LRP2: variants seen among roughly 807,000 people sequenced by gnomAD.
LRP2 encodes LDL receptor related protein 2, also known as low-density lipoprotein receptor-related protein 2.
LRP2 carries 172 observed loss-of-function variants against 531.0 expected under a neutral mutation model. The observed-to-expected ratio is 0.32, with a 90% confidence interval of 0.29 to 0.37. The LOEUF is 0.37. LRP2 is among the 10% of genes least tolerant of loss of function. LRP2 has a pLI of 1.00. For missense variants in LRP2, 5,167 were observed against 5,868.3 expected (o/e 0.88, Z 3.90); for synonymous variants, 1,992 against 2,027.6 (o/e 0.98, Z 0.47).
At chr2:169,287,863 ATTT>A (rs1683901065) in intron 9 of LRP2, among the ~76,000 whole-genome samples, 1 of 148,790 alleles carries the variant, frequency 6.7e-6, no homozygotes, top group African/African-American at 2.4e-5. Flanking sequence ...TAATATTAAA[ATTT>A]TAATATTTTA....
At position 169,172,182 on chromosome 2, in the gene LRP2, T is replaced by C. The variant is rs1687031340; in HGVS notation, c.11144-48A>G. 10 of 1,612,138 alleles carry C rather than the reference T, an allele frequency of 6.2e-6. No individual in the cohort carries two copies. In the Middle Eastern group the frequency reaches 9.9e-4, roughly 160 times the overall value. Reference sequence around the variant, plus strand: ...ACTTCATAAACCATTGGCAGAGAAATGCACAAAGTAGTATTGGCTTCCTTG... The same window carrying C: ...ACTTCATAAACCATTGGCAGAGAAACGCACAAAGTAGTATTGGCTTCCTTG... On this transcript the variant is annotated intron_variant, in intron 57 of 78. Transcript: ENST00000649046.
chr2:169,172,757 AC>A (rs1374956856), intron 57 of LRP2, among the ~76,000 whole-genome samples: 4 of 152,186 alleles, frequency 2.6e-5, no homozygotes, highest in Non-Finnish European at 5.9e-5. Flanking sequence ...ACCCCTTTCC[AC>A]CAATTTCAAC....
intron 26 of LRP2, among the ~76,000 whole-genome samples, chr2:169,238,840 C>T (rs997073134): frequency 6.6e-6 from 1 of 152,144 alleles, no homozygotes; most frequent in African/African-American, 2.4e-5. Context: ...TTTGGAGTGA[C>T]CACATGACTA....
chr2:169,194,687 G>A (rs1029425821), intron 46 of LRP2, among the ~76,000 whole-genome samples: 6 of 149,016 alleles, frequency 4.0e-5, no homozygotes, highest in African/African-American at 1.5e-4. Flanking sequence ...TTCAGAAGCT[G>A]CTATGAAAAG....
At chr2:169,336,190 T>C (rs1685399010) in intron 1 of LRP2, among the ~76,000 whole-genome samples, 1 of 152,174 alleles carries the variant, frequency 6.6e-6, no homozygotes, top group African/African-American at 2.4e-5. Context: ...TGTTACCCTA[T>C]TTCTGTTTGA....
chr2:169,201,400 G>C (rs1688197459), intron 44 of LRP2, among the ~76,000 whole-genome samples: 1 of 152,204 alleles, frequency 6.6e-6, no homozygotes, highest in African/African-American at 2.4e-5. Context: ...TGTTATCAGT[G>C]AAGTGCATGA....
intron 58 of LRP2, among the ~76,000 whole-genome samples, chr2:169,171,638 C>T (rs1197929212): frequency 6.6e-6 from 1 of 152,184 alleles, no homozygotes; most frequent in South Asian, 2.1e-4. Context: ...TGGGTTAGCA[C>T]CCTTCCTCCC....
At chr2:169,172,169 A>G (rs368033305) in intron 57 of LRP2, 35 bp from the exon 58 acceptor site, 31 of 1,613,356 alleles carry the variant, frequency 1.9e-5, no homozygotes, top group Non-Finnish European at 2.0e-5. Context: ...TTCATAAACC[A>G]TTGGCAGAGA....
rs1301670894 is a variant in LRP2 at position 169,259,025 on chromosome 2, C to G, written c.2513G>C (p.Gly838Ala). The G allele has an allele frequency of 6.2e-7, 1 of 1,612,948 alleles. No individual in the cohort carries two copies. Among genetic ancestry groups the G allele is most frequent in the Non-Finnish European group, 8.5e-7 (1 of 1,179,404 alleles). Residue 838 changes from glycine to alanine, a missense_variant and splice_region_variant, in exon 17 of 79, where the codon GGG (glycine) becomes GCG (alanine). Physicochemically the swap from Gly to Ala is moderately conservative, Grantham distance 60. This residue lies in a region of LRP2 where 2,811 missense variants were observed against 3,058.0 expected (regional missense o/e 0.92). Transcript: ENST00000649046. ...CTTAGGAAAACATGAACACACTTAC[C>G]CGGCAAAAGGATGAACTACCACCGA... Reference protein sequence around the residue: ...PRSVVVHPFAGYLFFTDWFRP... With the variant: ...PRSVVVHPFAAYLFFTDWFRP...
At chr2:169,278,912 T>C (rs748436788) in intron 12 of LRP2, among the ~76,000 whole-genome samples, 1 of 152,224 alleles carries the variant, frequency 6.6e-6, no homozygotes, top group Non-Finnish European at 1.5e-5. Context: ...GATATCTCAA[T>C]CCCAGCCTGT....
At chr2:169,267,661 C>T (rs919814258) in intron 16 of LRP2, among the ~76,000 whole-genome samples, 3 of 152,098 alleles carry the variant, frequency 2.0e-5, no homozygotes, top group Non-Finnish European at 4.4e-5. Context: ...CAGTAGAGAT[C>T]TAAAACTGAC....
At position 169,294,706 on chromosome 2, in the gene LRP2, G is replaced by A. The variant is rs760218817; in HGVS notation, c.432C>T (p.Tyr144=). The change falls in exon 5 of 79, where the codon TAC becomes TAT. Residue 144 remains tyrosine (Y), a synonymous_variant. Transcript: ENST00000649046. ...PDGADENDCQ[Y]PTCEQLTCDN... ...CACAAGTAAGCTGCTCACATGTTGG[G>A]TACTCTATTGTAAAAAAAAAAAAAA... 2.9e-5 allele frequency: 35 copies of A among 1,223,218 alleles called. No individual in the cohort carries two copies. Among genetic ancestry groups the A allele is most frequent in the Non-Finnish European group, 3.5e-5 (30 of 856,712 alleles). The allele number at this position is 1,223,218 out of a possible 1,614,324, so 75.8% of individuals were successfully genotyped here. A position where few individuals can be genotyped will look rare whatever the true frequency, so the allele number is the denominator to read the frequency against.
intron 1 of LRP2, among the ~76,000 whole-genome samples, chr2:169,350,041 A>G (rs1294621598): frequency 6.6e-6 from 1 of 152,196 alleles, no homozygotes; most frequent in Non-Finnish European, 1.5e-5. Flanking sequence ...CAGTCGGTTG[A>G]ATCAGGGTGG....
chr2:169,129,543 A>G (rs891661238), intron 77 of LRP2, among the ~76,000 whole-genome samples: 9 of 152,210 alleles, frequency 5.9e-5, no homozygotes, highest in African/African-American at 2.2e-4. Flanking sequence ...TTCTCCCTTC[A>G]TCATTCCCTC....
At position 169,206,778 on chromosome 2, in the gene LRP2, T is replaced by G; in HGVS notation, c.6942A>C (p.Thr2314=). Residue 2314 remains threonine (T), a synonymous_variant, in exon 39 of 79, where the codon ACA becomes ACC. Transcript: ENST00000649046. ...SKEPENTEPP[T]VIRDNINWLR... is the part of the protein sequence containing the mutation. ...GCCAGTTGATATTGTCTCTTATCAC[T>G]GTGGGTGGCTCTGTGTTCTCTGGTT... The G allele has an allele frequency of 1.9e-6, 3 of 1,614,208 alleles. No individual in the cohort carries two copies. Among genetic ancestry groups the G allele is most frequent in the Non-Finnish European group, 2.5e-6 (3 of 1,180,030 alleles).
chr2:169,308,531 G>T (rs1166003299), intron 3 of LRP2, among the ~76,000 whole-genome samples: 2 of 152,176 alleles, frequency 1.3e-5, no homozygotes, highest in Non-Finnish European at 2.9e-5. Context: ...CTTCATCCAT[G>T]TCCCTACAAA....
intron 16 of LRP2, among the ~76,000 whole-genome samples, chr2:169,261,562 A>G (rs907783265): frequency 4.0e-5 from 6 of 151,882 alleles, no homozygotes; most frequent in Admixed American, 3.9e-4. Flanking sequence ...CCCTCAACAA[A>G]GCATACAGAG....
chr2:169,129,171 T>C, intron 77 of LRP2, 87 bp from the exon 78 acceptor site: 1 of 1,015,386 alleles, frequency 9.8e-7, no homozygotes, highest in Non-Finnish European at 1.6e-6. Context: ...TTAAAATTTC[T>C]TCTTACTGAA....
intron 57 of LRP2, 76 bp downstream of exon 57, chr2:169,173,020 A>G: frequency 6.5e-7 from 1 of 1,547,228 alleles, no homozygotes; most frequent in South Asian, 1.1e-5. Context: ...ATACACTCTC[A>G]TCTCTCATCT....
Sources: allele counts gnomAD v4.1 joint callset (sites outside exome capture counted in the v4.1 genomes callset), GRCh38; gene constraint gnomAD v4.1.1; regional missense constraint gnomAD v4.1.1; transcripts MANE v1.5; gene names NCBI Gene and HGNC (gene_info 2026-07-23, HGNC 2026-07-21).